Variants in YPEL4 observed in about 807,000 individuals in gnomAD.
The protein encoded by YPEL4 is yippee like 4, also known as protein yippee-like 4.
In YPEL4, 5 loss-of-function variants were observed where a neutral mutation model predicts 16.3. The ratio of observed to expected loss-of-function variants is 0.31; its 90% CI spans 0.16 to 0.64. YPEL4 has a LOEUF of 0.64. Ranked by LOEUF, YPEL4 falls within the 30% of genes least tolerant of loss-of-function variation. The probability of loss-of-function intolerance (pLI) is 0.79; values close to 1 mark genes in which losing one functional copy is unlikely to be tolerated. For missense variants in YPEL4, 127 were observed against 170.0 expected, an observed-to-expected ratio of 0.75 and a Z score of 1.41; for synonymous variants, 61 against 60.7, an observed-to-expected ratio of 1.00 and a Z score of -0.02.
At chr11:57,649,231 G>C (rs1380879671) in intron 1 of YPEL4, 1 of 150,082 alleles carries the variant, frequency 6.7e-6, no homozygotes, top group Non-Finnish European at 1.5e-5. Flanking sequence ...TGACAGCAGA[G>C]GCGCCGAGGC....
In YPEL4 at chr11:57,646,804, C is replaced by T. The variant is rs536085790; in HGVS notation, c.142-10G>A. On this transcript the variant is annotated splice_polypyrimidine_tract_variant and intron_variant, in intron 2 of 4. Coordinates refer to ENST00000300022, the MANE Select transcript of YPEL4 (RefSeq NM_145008.3). ...GGCTCCCTTGGAAGGACTGTGGAGA[C>T]ATAGGACAGACAATGACTACCAAGC... The T allele has an allele frequency of 1.2e-6, 2 of 1,613,728 alleles. No individual in the cohort carries two copies. The highest frequency in any genetic ancestry group is 1.7e-6 in the Non-Finnish European group (2 of 1,179,940).
intron 2 of YPEL4, 80 bp from the exon 3 acceptor site, chr11:57,646,874 G>C (rs1198026811): frequency 6.3e-7 from 1 of 1,596,914 alleles, no homozygotes; most frequent in African/African-American, 1.3e-5. Flanking sequence ...GTGTGTAGGA[G>C]AGAGGAAGAG....
Position 57,646,309 on chromosome 11 carries a change from C to T in YPEL4, c.282G>A (p.Leu94=). 1 of 1,614,138 alleles carries T rather than the reference C, an allele frequency of 6.2e-7. No individual in the cohort carries two copies. The highest frequency in any genetic ancestry group is 1.7e-4 in the Middle Eastern group (1 of 6,060). ...CTCAGGTACTTACATATTTCCAGCC[C>T]AGTGTGGTTTTGCAGCTCTCACAGA... ...DIFCESCKTT[L]GWKYEQAFET... The change falls in exon 4 of 5, where the codon CTG becomes CTA. Residue 94 remains leucine (L), a synonymous_variant. Coordinates refer to ENST00000300022, the MANE Select transcript of YPEL4 (RefSeq NM_145008.3).
chr11:57,646,222 T>C (rs752162122), intron 4 of YPEL4, 75 bp downstream of exon 4: 176 of 1,585,032 alleles, frequency 1.1e-4, no homozygotes, highest in Non-Finnish European at 1.4e-4. Context: ...AGGAAGGACC[T>C]GACATGGTCA....
At position 57,647,386 on chromosome 11, in the gene YPEL4, C is replaced by G. The variant is rs1047809042; in HGVS notation, c.-184-95G>C. ...AAAGGGAATCAGCTCACCCATACCTCTACTTTCCCCATCACCATCGACCCC... is the reference window on the plus strand; with the variant it reads ...AAAGGGAATCAGCTCACCCATACCTGTACTTTCCCCATCACCATCGACCCC... On this transcript the variant is annotated intron_variant, in intron 1 of 4. Coordinates refer to ENST00000300022, the MANE Select transcript of YPEL4 (RefSeq NM_145008.3). This position sits in a 1 kb window ranked among gnomAD's most constrained non-coding sequence, Gnocchi z 4.2. 4.7e-5 allele frequency: 16 copies of G among 339,922 alleles called. No homozygotes were observed. The highest frequency in any genetic ancestry group is 7.4e-5 in the Non-Finnish European group (14 of 188,004). The allele number at this position is 339,922 out of a possible 1,614,324, so 21.1% of individuals were successfully genotyped here. A position where few individuals can be genotyped will look rare whatever the true frequency, so the allele number is the denominator to read the frequency against.
chr11:57,648,576 G>C (rs1045767487), intron 1 of YPEL4: 1 of 152,348 alleles, frequency 6.6e-6, no homozygotes, highest in Non-Finnish European at 1.5e-5. Context: ...AGGCAGTGTT[G>C]GCTCTGGTTA....
chr11:57,649,192 A>T (rs1011977984), intron 1 of YPEL4: 5 of 149,690 alleles, frequency 3.3e-5, no homozygotes, highest in Non-Finnish European at 5.9e-5. Context: ...GAAAGGGGAG[A>T]GGGAGGGCTG....
At chr11:57,646,532 T>G in intron 3 of YPEL4, 127 bp from the exon 4 acceptor site, 1 of 1,239,144 alleles carries the variant, frequency 8.1e-7, no homozygotes, top group South Asian at 1.3e-5. Flanking sequence ...AATCCACCCC[T>G]TTAAGACTAG....
At chr11:57,646,598 G>C in intron 3 of YPEL4, 153 bp downstream of exon 3, 1 of 1,283,180 alleles carries the variant, frequency 7.8e-7, no homozygotes, top group East Asian at 2.5e-5. Context: ...GGCTCCCCAT[G>C]TGAGAACTTC....
Position 57,645,256 on chromosome 11 carries a change from A to T in YPEL4, c.*725T>A, listed in dbSNP as rs905447519. 6.6e-6 allele frequency: 1 copy of T among 152,482 alleles called. No individual in the cohort carries two copies. The highest frequency in any genetic ancestry group is 1.5e-5 in the Non-Finnish European group (1 of 68,032). The allele number at this position is 152,482 out of a possible 1,614,324, so 9.4% of individuals were successfully genotyped here. On this transcript the variant is annotated 3_prime_UTR_variant, in exon 5 of 5. Coordinates refer to ENST00000300022, the MANE Select transcript of YPEL4 (RefSeq NM_145008.3). ...GGAGCAGTGACTGGGCCTCAGAGAAAGCCCATAAAGACTGCTTACTCTGGA... is the reference window on the plus strand; with the variant it reads ...GGAGCAGTGACTGGGCCTCAGAGAATGCCCATAAAGACTGCTTACTCTGGA...
intron 3 of YPEL4, 110 bp from the exon 4 acceptor site, chr11:57,646,515 C>A: frequency 7.5e-7 from 1 of 1,325,804 alleles, no homozygotes; most frequent in Non-Finnish European, 1.1e-6. Flanking sequence ...CAGCCCCTGC[C>A]TTTGATAATC....
rs751196775 is a variant in YPEL4, at chr11:57,647,004, C to T, written c.104G>A (p.Arg35His). ...CHRTYSCVHC[R>H]AHLAKHDELI... ...CTCATCGTGTTTGGCCAGGTGTGCA[C>T]GGCAGTGGACACAGCTGTAAGTGCG... The change falls in exon 2 of 5, where the codon CGT (arginine) becomes CAT (histidine). Residue 35 changes from arginine (R) to histidine (H), a missense_variant. Physicochemically the swap from Arg to His is conservative, Grantham distance 29. Coordinates refer to ENST00000300022, the MANE Select transcript of YPEL4 (RefSeq NM_145008.3). The surrounding 1 kb of genome is among the most constrained non-coding windows in gnomAD (Gnocchi z 4.2). The T allele has an allele frequency of 7.5e-6, 12 of 1,591,764 alleles. No individual in the cohort carries two copies. Among genetic ancestry groups the T allele is most frequent in the South Asian group, 3.4e-5 (3 of 88,180 alleles).
At chr11:57,648,549 A>T (rs1224498351) in intron 1 of YPEL4, 3 of 152,280 alleles carry the variant, frequency 2.0e-5, no homozygotes, top group Non-Finnish European at 4.4e-5. Context: ...GCAATGCTAG[A>T]GCACTAAGCA....
rs1945751706 is a variant in YPEL4 at position 57,647,889 on chromosome 11, A to T, written c.-184-598T>A. The T allele has an allele frequency of 6.6e-6, 1 of 152,078 alleles. No homozygotes were observed. The highest frequency in any genetic ancestry group is 1.5e-5 in the Non-Finnish European group (1 of 68,046). The allele number at this position is 152,078 out of a possible 1,614,324, so 9.4% of individuals were successfully genotyped here. A position where few individuals can be genotyped will look rare whatever the true frequency, so the allele number is the denominator to read the frequency against. On this transcript the variant is annotated intron_variant, in intron 1 of 4. Transcript: ENST00000300022. This position sits in a 1 kb window ranked among gnomAD's most constrained non-coding sequence, Gnocchi z 4.2. The stretch of plus-strand genomic sequence containing the variant: ...CTCTGGGACTCTTCACTAGAACTTT[A>T]TAGATGTTTCCAACAGTACCAAAGC...
chr11:57,645,670 G>T lies in YPEL4; in HGVS notation c.*311C>A, dbSNP rs1022761075. 5.5e-6 allele frequency: 2 copies of T among 361,890 alleles called. No homozygotes were observed. Among genetic ancestry groups the T allele is most frequent in the South Asian group, 9.7e-5 (2 of 20,588 alleles). 22.4% of individuals were successfully genotyped at this position (361,890 alleles called of 1,614,324 possible). A position where few individuals can be genotyped will look rare whatever the true frequency, so the allele number is the denominator to read the frequency against. On this transcript the variant is annotated 3_prime_UTR_variant, in exon 5 of 5. Transcript: ENST00000300022. The stretch of plus-strand genomic sequence containing the variant: ...ACGGATTCCTCCCACAATCCTCTCT[G>T]CCTGAGTCTATGCCCTGCCATCGCT...
chr11:57,646,864 G>T lies in YPEL4; in HGVS notation c.142-70C>A. The T allele has an allele frequency of 2.5e-6, 4 of 1,602,780 alleles. No homozygotes were observed. The South Asian group carries it at 3.3e-5, about 13-fold the overall frequency. On this transcript the variant is annotated intron_variant, in intron 2 of 4. Coordinates refer to ENST00000300022, the MANE Select transcript of YPEL4 (RefSeq NM_145008.3). ...CCCCACTGCCTGAATCCCCGCAGGGGTGTGTAGGAGAGAGGAAGAGCTTTG... is the reference window on the plus strand; with the variant it reads ...CCCCACTGCCTGAATCCCCGCAGGGTTGTGTAGGAGAGAGGAAGAGCTTTG...
rs1295747855 is a variant in YPEL4, at chr11:57,647,222, CAGG to C, written c.-118_-116del. On this transcript the variant is annotated 5_prime_UTR_variant, in exon 2 of 5. Coordinates refer to ENST00000300022, the MANE Select transcript of YPEL4 (RefSeq NM_145008.3). This position sits in a 1 kb window ranked among gnomAD's most constrained non-coding sequence, Gnocchi z 4.2. Reference sequence around the variant, plus strand: ...GGTTGGCTAGAGCCGTGTTTCAGGGCAGGAGAAGTGTTGGGGGGCTGCCCGGCC... The same window carrying C: ...GGTTGGCTAGAGCCGTGTTTCAGGGCAGAAGTGTTGGGGGGCTGCCCGGCC... 2 of 1,395,344 alleles carry C rather than the reference CAGG, an allele frequency of 1.4e-6. No individual in the cohort carries two copies. The highest frequency in any genetic ancestry group is 1.9e-6 in the Non-Finnish European group (2 of 1,060,168). 86.4% of individuals were successfully genotyped at this position (1,395,344 alleles called of 1,614,324 possible). A position where few individuals can be genotyped will look rare whatever the true frequency, so the allele number is the denominator to read the frequency against.
In YPEL4 at chr11:57,647,713, G is replaced by A. The variant is rs1945749391; in HGVS notation, c.-184-422C>T. On this transcript the variant is annotated intron_variant, in intron 1 of 4. Transcript: ENST00000300022. The surrounding 1 kb of genome is among the most constrained non-coding windows in gnomAD (Gnocchi z 4.2). ...TTTTAAGAGTTGGGGATGCCTGAAG[G>A]TCTTTCTTTTACATGGTCTTTGTTT... 6.6e-6 allele frequency: 1 copy of A among 152,192 alleles called. No individual in the cohort carries two copies. Among genetic ancestry groups the A allele is most frequent in the Middle Eastern group, 3.2e-3 (1 of 316 alleles). 9.4% of individuals were successfully genotyped at this position (152,192 alleles called of 1,614,324 possible).
rs890036 is a variant in YPEL4 at position 57,646,247 on chromosome 11, G to A, written c.294+50C>T. 0.01 allele frequency: 16,800 copies of A among 1,600,220 alleles called. 1,277 individuals are homozygous for A. In the African/African-American group the frequency reaches 0.18, roughly 17 times the overall value. On this transcript the variant is annotated intron_variant, in intron 4 of 4. Coordinates refer to ENST00000300022, the MANE Select transcript of YPEL4 (RefSeq NM_145008.3). The stretch of plus-strand genomic sequence containing the variant: ...TGACATGGTCACTGGTGCTTGAAGG[G>A]CCATGGGGACTGCCACTTTAGAGGG...
Sources: gnomAD v4.1 joint callset for allele counts on GRCh38, gnomAD v4.1.1 for gene constraint, Gnocchi (gnomAD v3.1) non-coding constraint, MANE v1.5 for transcripts, NCBI Gene and HGNC (gene_info 2026-07-23, HGNC 2026-07-21) for gene names.